The following PLXNA2 variants were observed in gnomAD, a reference collection of about 807,000 sequenced individuals.
PLXNA2 encodes the protein plexin-A2.
A neutral mutation model predicts 193.5 loss-of-function variants in PLXNA2; 91 were observed. The ratio of observed to expected loss-of-function variants is 0.47; its 90% CI spans 0.40 to 0.56. The LOEUF is 0.56. PLXNA2 is among the 20% of genes least tolerant of loss of function. The pLI, the probability that PLXNA2 is intolerant of heterozygous loss-of-function variation, is 0.00. For missense variants in PLXNA2, 1,995 were observed against 2,503.2 expected (o/e 0.80, Z 4.33); for synonymous variants, 997 against 1,027.3 (o/e 0.97, Z 0.56).
At chr1:208,232,240 C>T (rs770134590) in intron 1 of PLXNA2, among the ~76,000 whole-genome samples, 39 of 152,192 alleles carry the variant, frequency 2.6e-4, no homozygotes, top group Non-Finnish European at 5.6e-4. Flanking sequence ...TGCCAGTCTC[C>T]CTCTCCCCAG....
At chr1:208,106,589 T>A (rs2102423613) in intron 4 of PLXNA2, among the ~76,000 whole-genome samples, 1 of 152,298 alleles carries the variant, frequency 6.6e-6, no homozygotes, top group East Asian at 1.9e-4. Context: ...TAAGATGTAC[T>A]GTAAGTCTAC....
intron 3 of PLXNA2, among the ~76,000 whole-genome samples, chr1:208,192,262 C>T (rs1670206554): frequency 6.6e-6 from 1 of 152,048 alleles, no homozygotes; most frequent in South Asian, 2.1e-4. Flanking sequence ...CTGAATTCTT[C>T]CAGGGTTGTC....
chr1:208,041,986 C>A, intron 22 of PLXNA2, 112 bp downstream of exon 22: 1 of 1,128,764 alleles, frequency 8.9e-7, no homozygotes, highest in Non-Finnish European at 1.3e-6. Flanking sequence ...TGAATGGGTG[C>A]CCCTTCTGGG....
At chr1:208,170,215 CA>C (rs991819778) in intron 3 of PLXNA2, among the ~76,000 whole-genome samples, 2 of 151,740 alleles carry the variant, frequency 1.3e-5, no homozygotes, top group African/African-American at 2.4e-5. Context: ...TCTTAAAAGG[CA>C]AAAAAATAGG....
chr1:208,163,039 CAG>C (rs1276855561), intron 3 of PLXNA2, among the ~76,000 whole-genome samples: 2 of 152,136 alleles, frequency 1.3e-5, no homozygotes, highest in African/African-American at 4.8e-5. Context: ...CTTCATCAGG[CAG>C]AGAGAGGGAG....
intron 12 of PLXNA2, among the ~76,000 whole-genome samples, chr1:208,074,762 G>A (rs1309217264): frequency 2.0e-5 from 3 of 152,226 alleles, no homozygotes; most frequent in African/African-American, 7.2e-5. Flanking sequence ...TGGAGATTCT[G>A]CCACCCCCAA....
At chr1:208,142,114 C>G (rs1296183969) in intron 4 of PLXNA2, among the ~76,000 whole-genome samples, 2 of 152,208 alleles carry the variant, frequency 1.3e-5, no homozygotes, top group East Asian at 3.9e-4. Flanking sequence ...GAGACAGGGG[C>G]TGTGGCCTAG....
chr1:208,118,771 T>A lies in PLXNA2; in HGVS notation c.1507-15524A>T, dbSNP rs77092054. 5.3e-4 allele frequency among the ~76,000 whole-genome samples: 80 copies of A among 151,184 alleles called. 1 individual carries two copies. In the East Asian group the frequency reaches 0.011, roughly 21 times the overall value. On this transcript the variant is annotated intron_variant, in intron 4 of 31. Coordinates refer to ENST00000367033, the MANE Select transcript of PLXNA2 (RefSeq NM_025179.4). ...TTTTTTCTTTTTTTTTTAAAAGAGG[T>A]GCTTAGGATATTAATTAGAGCAAAT...
At chr1:208,219,904 A>G (rs1671267348) in intron 1 of PLXNA2, among the ~76,000 whole-genome samples, 1 of 152,212 alleles carries the variant, frequency 6.6e-6, no homozygotes, top group African/African-American at 2.4e-5. Flanking sequence ...CAGGGCTTTC[A>G]GTTTGGAAAC....
intron 4 of PLXNA2, among the ~76,000 whole-genome samples, chr1:208,106,630 GGAAAA>G (rs1323172775): frequency 1.3e-5 from 2 of 151,928 alleles, no homozygotes; most frequent in Non-Finnish European, 2.9e-5. Flanking sequence ...GATTTAGAGA[GGAAAA>G]GAAAAAAGGG....
intron 28 of PLXNA2, among the ~76,000 whole-genome samples, chr1:208,032,654 A>G (rs1008858596): frequency 1.3e-5 from 2 of 151,382 alleles, no homozygotes; most frequent in African/African-American, 4.8e-5. Context: ...TTATTTTGCT[A>G]CCTGCTAGGA....
At chr1:208,194,181 G>C (rs144866171) in intron 3 of PLXNA2, among the ~76,000 whole-genome samples, 34 of 151,946 alleles carry the variant, frequency 2.2e-4, no homozygotes, top group African/African-American at 7.5e-4. Context: ...GCTCAGGTTG[G>C]GAGCCCCTGT....
Position 208,217,175 on chromosome 1 carries a change from C to T in PLXNA2, c.748G>A (p.Gly250Arg). 6.2e-7 allele frequency: 1 copy of T among 1,614,176 alleles called. No individual in the cohort carries two copies. The highest frequency in any genetic ancestry group is 8.5e-7 in the Non-Finnish European group (1 of 1,180,038). Residue 250 changes from glycine to arginine, a missense_variant, in exon 2 of 32, where the codon GGG becomes AGG. By Grantham distance (125) the Gly-to-Arg change is moderately radical. Around this residue, in one of 3 missense-constraint regions of PLXNA2, gnomAD observed 702 missense variants for 812.9 expected, o/e 0.86. Transcript: ENST00000367033. This position sits in a 1 kb window ranked among gnomAD's most constrained non-coding sequence, Gnocchi z 4.7. ...DIFYIYGFAS[G>R]GFVYFLTVQP... Reference sequence around the variant, plus strand: ...ACAGTGAGAAAGTAGACAAAGCCCCCACTAGCAAAGCCGTAGATGTAGAAG... The same window carrying T: ...ACAGTGAGAAAGTAGACAAAGCCCCTACTAGCAAAGCCGTAGATGTAGAAG...
At chr1:208,131,566 T>G (rs1668154836) in intron 4 of PLXNA2, among the ~76,000 whole-genome samples, 1 of 152,122 alleles carries the variant, frequency 6.6e-6, no homozygotes, top group Non-Finnish European at 1.5e-5. Flanking sequence ...TGTGTCTGGC[T>G]GGATAAGACT....
chr1:208,110,455 G>A (rs896918278), intron 4 of PLXNA2, among the ~76,000 whole-genome samples: 1 of 152,236 alleles, frequency 6.6e-6, no homozygotes, highest in East Asian at 1.9e-4. Flanking sequence ...GCAGGCTCCT[G>A]GCTGGCCCCA....
intron 6 of PLXNA2, among the ~76,000 whole-genome samples, chr1:208,097,512 C>T (rs1010854496): frequency 6.6e-6 from 1 of 152,156 alleles, no homozygotes; most frequent in Non-Finnish European, 1.5e-5. Context: ...AGAGAAGTGG[C>T]CACCAACTGC....
chr1:208,078,009 C>T (rs1046847979), intron 12 of PLXNA2, among the ~76,000 whole-genome samples: 1 of 152,062 alleles, frequency 6.6e-6, no homozygotes, highest in Non-Finnish European at 1.5e-5. Flanking sequence ...GGAAGCACCA[C>T]TTCTTCTTTT....
intron 28 of PLXNA2, 112 bp downstream of exon 28, chr1:208,033,207 G>T: frequency 9.6e-7 from 1 of 1,045,834 alleles, no homozygotes; most frequent in Non-Finnish European, 1.4e-6. Flanking sequence ...TACCTGGACT[G>T]TCTGAATGGG....
rs1571866852 is a variant in PLXNA2, at chr1:208,054,503, G to C, written c.2774C>G (p.Thr925Ser). ...ACACAGGCGTACTGGCCCGGAGGTG[G>C]TTCCCACGAGGGCATGGCCCATCTC... ...VCEMGHALVG[T>S]TSGPVRLCIG... is the part of the protein sequence containing the mutation. The change falls in exon 14 of 32, where the codon ACC (threonine) becomes AGC (serine). Residue 925 changes from threonine (T) to serine (S), a missense_variant. By Grantham distance (58) the Thr-to-Ser change is moderately conservative (BLOSUM62 1). Transcript: ENST00000367033. 7 of 1,614,250 alleles carry C rather than the reference G, an allele frequency of 4.3e-6. No homozygotes were observed. Among genetic ancestry groups the C allele is most frequent in the Non-Finnish European group, 5.9e-6 (7 of 1,180,026 alleles).
Sources: gnomAD v4.1 joint callset for allele counts (sites outside exome capture counted in the v4.1 genomes callset) on GRCh38, gnomAD v4.1.1 for gene constraint, gnomAD v4.1.1 regional missense constraint, Gnocchi (gnomAD v3.1) non-coding constraint, MANE v1.5 for transcripts, NCBI Gene and HGNC (gene_info 2026-07-23, HGNC 2026-07-21) for gene names.